ZNF345: variants seen among roughly 807,000 people sequenced by gnomAD.
ZNF345 encodes the protein zinc finger protein HZF10.
For missense variants in ZNF345, 527 were observed against 589.9 expected (o/e 0.89, Z 1.10); for synonymous variants, 166 against 187.9 (o/e 0.88, Z 0.95).
At chr19:36,856,538 A>G (rs1275986965) in intron 2 of ZNF345, among the ~76,000 whole-genome samples, 1 of 152,090 alleles carries the variant, frequency 6.6e-6, no homozygotes, top group Non-Finnish European at 1.5e-5. Context: ...CTTTGAATAC[A>G]TGATCAGATG....
intron 3 of ZNF345, chr19:36,891,992 G>GT: frequency 6.2e-7 from 1 of 1,613,812 alleles, no homozygotes; most frequent in Non-Finnish European, 8.5e-7. Flanking sequence ...CATTCATAGG[G>GT]TTTCTCACCA....
At chr19:36,867,135 C>T (rs1321708536) in intron 2 of ZNF345, among the ~76,000 whole-genome samples, 3 of 152,270 alleles carry the variant, frequency 2.0e-5, no homozygotes, top group East Asian at 1.9e-4. Context: ...TATTTGCCGC[C>T]GCCTTTGCCA....
rs545028733 is a variant in ZNF345, at chr19:36,892,830, C to T, written c.59C>T (p.Ala20Val). 5.2e-4 allele frequency: 487 copies of T among 942,184 alleles called. 3 individuals carry two copies. In the African/African-American group the frequency reaches 7.2e-3, roughly 14 times the overall value. The allele number at this position is 942,184 out of a possible 1,614,324, so 58.4% of individuals were successfully genotyped here. A position where few individuals can be genotyped will look rare whatever the true frequency, so the allele number is the denominator to read the frequency against. Reference sequence around the variant, plus strand: ...GCCCCCACCCCAGATCCCCCACAGGCGCTGCCTGAGACCCAGCTCTGTGTC... The same window carrying T: ...GCCCCCACCCCAGATCCCCCACAGGTGCTGCCTGAGACCCAGCTCTGTGTC... The change falls in exon 4 of 4, where the codon GCG (alanine) becomes GTG (valine). Residue 20 changes from alanine to valine, a missense_variant. Transcript: ENST00000526123.
chr19:36,886,051 C>G (rs1165447501), intron 3 of ZNF345, among the ~76,000 whole-genome samples: 3 of 152,096 alleles, frequency 2.0e-5, no homozygotes, highest in African/African-American at 7.2e-5. Flanking sequence ...GATATCACTC[C>G]AAGAAAATTT....
intron 3 of ZNF345, chr19:36,892,002 A>G: frequency 1.2e-6 from 2 of 1,613,864 alleles, no homozygotes; most frequent in African/African-American, 2.7e-5. Context: ...GTTTCTCACC[A>G]GTGTGAATTC....
At position 36,878,022 on chromosome 19, in the gene ZNF345, T is replaced by C; in HGVS notation, c.1192T>C (p.Tyr398His). The change falls in exon 3 of 3, where the codon TAT (tyrosine) becomes CAT (histidine). Residue 398 changes from tyrosine to histidine, a missense_variant. Coordinates refer to ENST00000420450, the MANE Select transcript of ZNF345 (RefSeq NM_001242472.2). Reference protein sequence around the residue: ...HQLIHTGERPYECKECGKSFS... With the variant: ...HQLIHTGERPHECKECGKSFS... ...GCTAATCCATACTGGTGAAAGACCC[T>C]ATGAATGTAAAGAATGTGGAAAGTC... 1 of 1,613,964 alleles carries C rather than the reference T, an allele frequency of 6.2e-7. No individual in the cohort carries two copies. The highest frequency in any genetic ancestry group is 8.5e-7 in the Non-Finnish European group (1 of 1,179,950).
chr19:36,857,655 A>C (rs567161298), intron 2 of ZNF345, among the ~76,000 whole-genome samples: 1 of 152,212 alleles, frequency 6.6e-6, no homozygotes, highest in South Asian at 2.1e-4. Flanking sequence ...ATCACTTCAC[A>C]GTACACTCAG....
chr19:36,865,823 A>G (rs1161691815), intron 2 of ZNF345, among the ~76,000 whole-genome samples: 1 of 152,170 alleles, frequency 6.6e-6, no homozygotes, highest in African/African-American at 2.4e-5. Context: ...TGTTCATCAG[A>G]ATGAGGAAAT....
intron 2 of ZNF345, among the ~76,000 whole-genome samples, chr19:36,869,276 A>T (rs377611765): frequency 7.2e-5 from 11 of 152,128 alleles, no homozygotes; most frequent in Admixed American, 2.0e-4. Context: ...TATGAAAGAT[A>T]AGGATACAAA....
chr19:36,887,454 T>A (rs1391672274), intron 3 of ZNF345, among the ~76,000 whole-genome samples: 2 of 152,116 alleles, frequency 1.3e-5, no homozygotes, highest in African/African-American at 4.8e-5. Flanking sequence ...AGGTGTAGGG[T>A]ATATGGGAAT....
At chr19:36,890,622 CT>C (rs1316087043) in intron 3 of ZNF345, 1 of 147,672 alleles carries the variant, frequency 6.8e-6, no homozygotes, top group East Asian at 2.0e-4. Flanking sequence ...GGGCAGATCA[CT>C]TGAAGTCAGG....
At chr19:36,881,551 T>C (rs1162192753), downstream of ZNF345, among the ~76,000 whole-genome samples, 1 of 152,150 alleles carries the variant, frequency 6.6e-6, no homozygotes, top group African/African-American at 2.4e-5. Flanking sequence ...TCAGGTCCCT[T>C]GAGTGAATAT....
chr19:36,854,599 G>A, intron 2 of ZNF345: 1 of 152,038 alleles, frequency 6.6e-6, no homozygotes, highest in East Asian at 1.9e-4. Context: ...ATGGGTGTAA[G>A]GTTCTTTATA....
At chr19:36,891,517 C>A (rs773600149) in intron 3 of ZNF345, 2 of 1,570,548 alleles carry the variant, frequency 1.3e-6, no homozygotes, top group Admixed American at 2.0e-5. Context: ...TCCCTCATGG[C>A]GAATGAGGTC....
At chr19:36,881,704 C>T (rs188090157), downstream of ZNF345, among the ~76,000 whole-genome samples, 137 of 152,100 alleles carry the variant, frequency 9.0e-4, 1 homozygote, top group African/African-American at 2.7e-3. Context: ...TAAAAACAGA[C>T]TAAAGTAACA....
chr19:36,852,440 G>C (rs915090450), intron 2 of ZNF345, among the ~76,000 whole-genome samples: 1 of 151,824 alleles, frequency 6.6e-6, no homozygotes, highest in Non-Finnish European at 1.5e-5. Flanking sequence ...AGGAAACCCC[G>C]TCTCTACTAA....
At chr19:36,885,916 C>T (rs1333157674) in intron 3 of ZNF345, among the ~76,000 whole-genome samples, 1 of 152,120 alleles carries the variant, frequency 6.6e-6, no homozygotes, top group Non-Finnish European at 1.5e-5. Context: ...CGCCTCTCAT[C>T]ACCTTTCCTG....
At position 36,877,151 on chromosome 19, in the gene ZNF345, C is replaced by G; in HGVS notation, c.321C>G (p.Tyr107Ter). 1 of 1,613,368 alleles carries G rather than the reference C, an allele frequency of 6.2e-7. No individual in the cohort carries two copies. The highest frequency in any genetic ancestry group is 8.5e-7 in the Non-Finnish European group (1 of 1,179,850). Residue 107 changes from tyrosine to a stop codon, truncating the protein, a stop_gained, in exon 3 of 3, where the codon TAC (tyrosine) becomes TAG (stop). Coordinates refer to ENST00000420450, the MANE Select transcript of ZNF345 (RefSeq NM_001242472.2). LOFTEE classifies it low-confidence loss of function (END_TRUNC). ...TTGGTAGTGGTGCAAACCTTGCTTA[C>G]CATCAAAGAATTCATACTGGTGAGA... Reference protein sequence around the residue: ...KAFGSGANLAYHQRIHTGEKP... With the variant: ...KAFGSGANLA
In ZNF345 at chr19:36,877,168, C is replaced by T. The variant is rs143923851; in HGVS notation, c.338C>T (p.Thr113Ile). The T allele has an allele frequency of 1.2e-6, 2 of 1,613,986 alleles. No homozygotes were observed. Among genetic ancestry groups the T allele is most frequent in the African/African-American group, 2.7e-5 (2 of 74,894 alleles). ...CTTGCTTACCATCAAAGAATTCATA[C>T]TGGTGAGAAGCCTTTTGAATGTAAA... ...ANLAYHQRIH[T>I]GEKPFECKEC... Residue 113 changes from threonine (T) to isoleucine (I), a missense_variant, in exon 3 of 3, where the codon ACT (threonine) becomes ATT (isoleucine). Transcript: ENST00000420450.
Sources: allele counts gnomAD v4.1 joint callset (sites outside exome capture counted in the v4.1 genomes callset), GRCh38; gene constraint gnomAD v4.1.1; transcripts MANE v1.5; gene names NCBI Gene and HGNC (gene_info 2026-07-23, HGNC 2026-07-21).